Variants in ARID3B observed in about 807,000 individuals in gnomAD.
The protein encoded by ARID3B is AT-rich interaction domain 3B.
A neutral mutation model predicts 51.9 loss-of-function variants in ARID3B; 10 were observed. That is an observed-to-expected ratio of 0.19 (90% CI 0.12 to 0.33). The LOEUF (loss-of-function observed/expected upper bound fraction) is 0.33. Ranked by LOEUF, ARID3B falls within the 10% of genes least tolerant of loss-of-function variation. The probability of loss-of-function intolerance (pLI) is 1.00; values close to 1 mark genes in which losing one functional copy is unlikely to be tolerated. For missense variants in ARID3B, 483 were observed against 716.3 expected, an observed-to-expected ratio of 0.67 and a Z score of 3.72; for synonymous variants, 205 against 279.5, an observed-to-expected ratio of 0.73 and a Z score of 2.66.
At chr15:74,593,935 G>A (rs2061813543) in intron 8 of ARID3B, among the ~76,000 whole-genome samples, 1 of 151,994 alleles carries the variant, frequency 6.6e-6, no homozygotes, top group Non-Finnish European at 1.5e-5. Context: ...CCAGCTACTT[G>A]GGAGGCTGAG....
intron 4 of ARID3B, among the ~76,000 whole-genome samples, chr15:74,581,743 C>G (rs2061762504): frequency 1.3e-5 from 2 of 152,178 alleles, no homozygotes; most frequent in Non-Finnish European, 1.5e-5. Flanking sequence ...TTTGAATAGC[C>G]TGCTTTTGTC....
intron 4 of ARID3B, among the ~76,000 whole-genome samples, chr15:74,578,733 AT>A (rs988320733): frequency 1.3e-5 from 2 of 151,490 alleles, no homozygotes; most frequent in Non-Finnish European, 2.9e-5. Flanking sequence ...CAAAAAAAAC[AT>A]TTTTTTTTAA....
chr15:74,548,667 A>G (rs1347011741), intron 2 of ARID3B, among the ~76,000 whole-genome samples: 1 of 152,244 alleles, frequency 6.6e-6, no homozygotes, highest in African/African-American at 2.4e-5. Flanking sequence ...TAACAAGGAC[A>G]GGGTATTACC....
Position 74,544,087 on chromosome 15 carries a change from A to G in ARID3B, c.151A>G (p.Thr51Ala). The change falls in exon 2 of 9, where the codon ACT becomes GCT. Residue 51 changes from threonine (T) to alanine (A), a missense_variant. Thr to Ala is a moderately conservative substitution (Grantham distance 58). Transcript: ENST00000346246. ...TGCCCAAAAGCTGGTCACACAGCCG[A>G]CTCTCCTTTCCGCCACAGCTGGGAG... ...LYAQKLVTQP[T>A]LLSATAGRPS... 2 of 1,613,500 alleles carry G rather than the reference A, an allele frequency of 1.2e-6. No homozygotes were observed. Among genetic ancestry groups the G allele is most frequent in the Non-Finnish European group, 1.7e-6 (2 of 1,179,792 alleles).
At chr15:74,548,251 G>A (rs2061623060) in intron 2 of ARID3B, among the ~76,000 whole-genome samples, 1 of 152,176 alleles carries the variant, frequency 6.6e-6, no homozygotes, top group Admixed American at 6.5e-5. Context: ...TCTGGTAGAA[G>A]GTGGTTCAAG....
At chr15:74,594,426 C>T (rs1372221085) in intron 8 of ARID3B, among the ~76,000 whole-genome samples, 1 of 151,888 alleles carries the variant, frequency 6.6e-6, no homozygotes, top group African/African-American at 2.4e-5. Flanking sequence ...CCAGCCTGGG[C>T]GACAGAGTGA....
intron 2 of ARID3B, among the ~76,000 whole-genome samples, chr15:74,545,736 C>T (rs2061613290): frequency 6.6e-6 from 1 of 152,192 alleles, no homozygotes; most frequent in Non-Finnish European, 1.5e-5. Flanking sequence ...CCTTTGGAAC[C>T]CAAAAAATCA....
At chr15:74,586,760 A>G (rs76962959) in intron 4 of ARID3B, among the ~76,000 whole-genome samples, 1 of 152,378 alleles carries the variant, frequency 6.6e-6, no homozygotes, top group African/African-American at 2.4e-5. Context: ...ATGGTAAAGG[A>G]AAGACAACCC....
Position 74,573,381 on chromosome 15 carries a change from G to C in ARID3B, c.697+177G>C. ...ACCGATAGCCAGATTGAAGAGGACA[G>C]AGAAGGTGTTGGCACAAAGTAGATG... On this transcript the variant is annotated intron_variant, in intron 4 of 8. Transcript: ENST00000346246. The C allele has an allele frequency of 4.5e-6, 3 of 672,816 alleles. No homozygotes were observed. In the South Asian group the frequency reaches 5.3e-5, roughly 12 times the overall value. 41.7% of individuals were successfully genotyped at this position (672,816 alleles called of 1,614,324 possible).
chr15:74,595,075 T>G (rs1224044200), intron 8 of ARID3B, among the ~76,000 whole-genome samples: 1 of 152,330 alleles, frequency 6.6e-6, no homozygotes, highest in East Asian at 1.9e-4. Flanking sequence ...CCACCCCACC[T>G]GGCTCTGTCA....
At chr15:74,543,470 T>C (rs2061601639) in intron 1 of ARID3B, among the ~76,000 whole-genome samples, 1 of 152,246 alleles carries the variant, frequency 6.6e-6, no homozygotes, top group African/African-American at 2.4e-5. Flanking sequence ...ATTATGCTTC[T>C]GCTACAGTGC....
intron 2 of ARID3B, among the ~76,000 whole-genome samples, chr15:74,562,040 T>TAAA (rs529889069): frequency 2.4e-5 from 3 of 125,488 alleles, no homozygotes; most frequent in Admixed American, 8.1e-5. Context: ...GACTCTGTCT[T>TAAA]AAAAAAAAAA....
intron 2 of ARID3B, among the ~76,000 whole-genome samples, chr15:74,555,136 T>G (rs895584038): frequency 2.0e-5 from 3 of 152,200 alleles, no homozygotes; most frequent in Non-Finnish European, 4.4e-5. Context: ...CAATTAAAAT[T>G]AAAGTAATAC....
chr15:74,547,040 C>T (rs1047117016), intron 2 of ARID3B, among the ~76,000 whole-genome samples: 8 of 152,088 alleles, frequency 5.3e-5, no homozygotes, highest in South Asian at 4.1e-4. Flanking sequence ...ATTAGACTAG[C>T]TTGTTTTGTT....
intron 2 of ARID3B, among the ~76,000 whole-genome samples, chr15:74,570,298 T>C (rs995629304): frequency 3.3e-5 from 5 of 152,070 alleles, no homozygotes. Context: ...TTTTCACACA[T>C]AGTCACATAG....
chr15:74,595,110 G>T (rs2061819269), intron 8 of ARID3B, among the ~76,000 whole-genome samples: 2 of 152,108 alleles, frequency 1.3e-5, no homozygotes, highest in Admixed American at 1.3e-4. Flanking sequence ...CATTGGTGCG[G>T]TCATAGCTCA....
intron 2 of ARID3B, among the ~76,000 whole-genome samples, chr15:74,566,981 A>C (rs910871992): frequency 6.6e-6 from 1 of 152,130 alleles, no homozygotes; most frequent in African/African-American, 2.4e-5. Context: ...TTCCAATCCG[A>C]TTAGGTGTCT....
At position 74,566,167 on chromosome 15, in the gene ARID3B, C is replaced by T. The variant is rs570550870; in HGVS notation, c.553-6695C>T. On this transcript the variant is annotated intron_variant, in intron 2 of 8. Coordinates refer to ENST00000346246, the MANE Select transcript of ARID3B (RefSeq NM_006465.4). ...CTCAGCTTGGGCTACTGCACAGCCA[C>T]CTACCCCCAGTGCAGGCTTTCCCTC... Among the ~76,000 whole-genome samples the T allele has an allele frequency of 2.6e-5, 4 of 152,278 alleles. No homozygotes were observed. The South Asian group carries it at 8.3e-4, about 32-fold the overall frequency.
At chr15:74,592,750 A>G (rs9635320) in intron 7 of ARID3B, among the ~76,000 whole-genome samples, 36,515 of 152,186 alleles carry the variant, frequency 0.24, 5,800 homozygotes, top group East Asian at 0.55. Flanking sequence ...AAGGAAAGAA[A>G]GGGCAGGTGG....
Sources: gnomAD v4.1 joint callset for allele counts (sites outside exome capture counted in the v4.1 genomes callset) on GRCh38, gnomAD v4.1.1 for gene constraint, MANE v1.5 for transcripts, NCBI Gene and HGNC (gene_info 2026-07-23, HGNC 2026-07-21) for gene names.